The following CPED1 variants were observed in gnomAD, a reference collection of about 807,000 sequenced individuals.
CPED1 encodes the protein cadherin-like and PC-esterase domain-containing protein 1.
Under a neutral mutation model 128.2 loss-of-function variants are expected in CPED1, and 114 were observed. The ratio of observed to expected loss-of-function variants is 0.89; its 90% CI spans 0.76 to 1.04. The LOEUF (loss-of-function observed/expected upper bound fraction) is 1.04. CPED1 is among the 50% of genes least tolerant of loss of function. The pLI is 0.00. For synonymous variants in CPED1, 462 were observed against 426.7 expected, an observed-to-expected ratio of 1.08 and a Z score of -1.02; for missense variants, 1,211 against 1,207.1, an observed-to-expected ratio of 1.00 and a Z score of -0.05.
In CPED1 at chr7:121,173,156, A is replaced by G. The variant is rs552687705; in HGVS notation, c.2055+31015A>G. ...TAAATTATAATTGTAACAAAATAAT[A>G]CAAAATAATTTTAAGAAAATAATAG... On this transcript the variant is annotated intron_variant, in intron 16 of 22. Transcript: ENST00000310396. Among the ~76,000 whole-genome samples the G allele has an allele frequency of 3.9e-5, 6 of 152,318 alleles. No homozygotes were observed. The South Asian group carries it at 1.2e-3, about 32-fold the overall frequency.
rs540400068 is a variant in CPED1, at chr7:120,989,151, CTG to C, written c.-231-237_-231-236del. 8.0e-5 allele frequency: 13 copies of C among 162,946 alleles called. No homozygotes were observed. In the East Asian group the frequency reaches 2.2e-3, roughly 28 times the overall value. The allele number at this position is 162,946 out of a possible 1,614,324, so 10.1% of individuals were successfully genotyped here. A position where few individuals can be genotyped will look rare whatever the true frequency, so the allele number is the denominator to read the frequency against. ...CTAAGGCAACCTGGCCTGAGTTCAG[CTG>C]TGCAACAGGCACTTTGGGTTTTAAT... On this transcript the variant is annotated intron_variant, in intron 1 of 22. Coordinates refer to ENST00000310396, the MANE Select transcript of CPED1 (RefSeq NM_024913.5).
At chr7:121,216,396 T>G (rs898501130) in intron 16 of CPED1, among the ~76,000 whole-genome samples, 12 of 152,014 alleles carry the variant, frequency 7.9e-5, no homozygotes, top group African/African-American at 2.9e-4. Context: ...ATTCTGTTAT[T>G]CAGTACTTGG....
At chr7:121,251,576 C>G (rs549752130) in intron 18 of CPED1, among the ~76,000 whole-genome samples, 2 of 152,314 alleles carry the variant, frequency 1.3e-5, no homozygotes, top group East Asian at 1.9e-4. Flanking sequence ...CCAATTGTCT[C>G]AGCCCAAAAT....
intron 3 of CPED1, among the ~76,000 whole-genome samples, chr7:121,046,088 GAA>G (rs1393371596): frequency 6.6e-6 from 1 of 151,858 alleles, no homozygotes; most frequent in African/African-American, 2.4e-5. Context: ...AGTGAATAAA[GAA>G]AAATAAACCC....
intron 16 of CPED1, among the ~76,000 whole-genome samples, chr7:121,213,759 T>G (rs60525869): frequency 6.6e-6 from 1 of 152,192 alleles, no homozygotes; most frequent in Non-Finnish European, 1.5e-5. Flanking sequence ...ATTTTTAATA[T>G]TAATTTAGAG....
At chr7:121,108,020 G>A (rs981079423) in intron 7 of CPED1, among the ~76,000 whole-genome samples, 1 of 152,024 alleles carries the variant, frequency 6.6e-6, no homozygotes, top group African/African-American at 2.4e-5. Context: ...TTAAAATGTG[G>A]TTTCAAATTT....
At chr7:121,291,113 A>G (rs1343787194) in intron 22 of CPED1, among the ~76,000 whole-genome samples, 1 of 152,164 alleles carries the variant, frequency 6.6e-6, no homozygotes, top group African/African-American at 2.4e-5. Flanking sequence ...AGATGGTTGT[A>G]GATGTGTGGT....
At chr7:121,137,129 G>T (rs6947453) in intron 14 of CPED1, among the ~76,000 whole-genome samples, 50,931 of 151,198 alleles carry the variant, frequency 0.34, 8,957 homozygotes, top group Middle Eastern at 0.5. Flanking sequence ...CAGTAAAACA[G>T]TAAAGCTGAA....
chr7:121,277,924 T>C (rs1792362875), intron 22 of CPED1, among the ~76,000 whole-genome samples: 1 of 151,936 alleles, frequency 6.6e-6, no homozygotes, highest in African/African-American at 2.4e-5. Flanking sequence ...AGCCACAGAG[T>C]AACCATTTGT....
intron 7 of CPED1, among the ~76,000 whole-genome samples, chr7:121,121,036 G>A (rs1795373428): frequency 6.8e-6 from 1 of 148,004 alleles, no homozygotes; most frequent in South Asian, 2.1e-4. Flanking sequence ...AGGTTGGCAA[G>A]TTTAACACAG....
At chr7:121,195,054 G>A (rs1797239935) in intron 16 of CPED1, 1 of 152,106 alleles carries the variant, frequency 6.6e-6, no homozygotes, top group Non-Finnish European at 1.5e-5. Context: ...GGTGAAGTGA[G>A]CACCATTAGT....
chr7:121,164,488 G>A (rs557329523), intron 16 of CPED1, among the ~76,000 whole-genome samples: 1 of 152,226 alleles, frequency 6.6e-6, no homozygotes, highest in East Asian at 1.9e-4. Flanking sequence ...TTCCCAGAGG[G>A]CTTATTAAAA....
chr7:121,104,869 T>C (rs1282007729), intron 7 of CPED1, among the ~76,000 whole-genome samples: 1 of 152,182 alleles, frequency 6.6e-6, no homozygotes. Flanking sequence ...TGCAATGATA[T>C]ATACATGATA....
intron 16 of CPED1, among the ~76,000 whole-genome samples, chr7:121,213,308 A>G (rs1432442909): frequency 2.0e-5 from 3 of 151,954 alleles, no homozygotes; most frequent in African/African-American, 4.8e-5. Flanking sequence ...AAACTTTCCA[A>G]ACCTTTGTTT....
At chr7:121,068,232 G>A (rs1208727260) in intron 5 of CPED1, among the ~76,000 whole-genome samples, 1 of 152,170 alleles carries the variant, frequency 6.6e-6, no homozygotes, top group Non-Finnish European at 1.5e-5. Flanking sequence ...TTCTTCTAGT[G>A]CTTTTATGGT....
At chr7:121,137,068 G>A (rs1795801044) in intron 14 of CPED1, among the ~76,000 whole-genome samples, 1 of 151,544 alleles carries the variant, frequency 6.6e-6, no homozygotes, top group Admixed American at 6.6e-5. Context: ...TGTATTTGGT[G>A]CTAAAAATCA....
intron 16 of CPED1, among the ~76,000 whole-genome samples, chr7:121,208,049 T>G (rs1296638388): frequency 2.0e-5 from 3 of 151,926 alleles, no homozygotes; most frequent in Non-Finnish European, 4.4e-5. Context: ...GACTCACTTG[T>G]CTTGAGTCTA....
At chr7:121,006,724 C>G (rs1172481039) in intron 2 of CPED1, among the ~76,000 whole-genome samples, 1 of 152,128 alleles carries the variant, frequency 6.6e-6, no homozygotes, top group African/African-American at 2.4e-5. Flanking sequence ...TCAAGACCAC[C>G]ATCTCTCAGC....
intron 2 of CPED1, among the ~76,000 whole-genome samples, chr7:120,998,184 C>A (rs1796442293): frequency 6.6e-6 from 1 of 152,058 alleles, no homozygotes; most frequent in Admixed American, 6.6e-5. Flanking sequence ...AGGCTTCTAG[C>A]CTCCAGAATT....
Sources: gnomAD v4.1 joint callset for allele counts (sites outside exome capture counted in the v4.1 genomes callset) on GRCh38, gnomAD v4.1.1 for gene constraint, MANE v1.5 for transcripts, NCBI Gene and HGNC (gene_info 2026-07-23, HGNC 2026-07-21) for gene names.